The following CCBE1 variants were observed in gnomAD, a reference collection of about 807,000 sequenced individuals.
CCBE1 encodes the protein collagen and calcium-binding EGF domain-containing protein 1.
In CCBE1, 37 loss-of-function variants were observed where a neutral mutation model predicts 50.0. That is an observed-to-expected ratio of 0.74 (90% CI 0.57 to 0.97). The LOEUF (loss-of-function observed/expected upper bound fraction) is 0.97, where lower values mean the gene tolerates loss of function less well. Among genes scored for constraint, CCBE1 ranks in the 50% least tolerant of loss-of-function variants. The pLI is 0.00. For missense variants in CCBE1, 538 were observed against 523.8 expected (o/e 1.03, Z -0.26); for synonymous variants, 234 against 203.7 (o/e 1.15, Z -1.27).
intron 2 of CCBE1, among the ~76,000 whole-genome samples, chr18:59,539,184 AAC>A (rs68072077): frequency 2.2e-5 from 3 of 133,550 alleles, no homozygotes; most frequent in East Asian, 2.2e-4. Flanking sequence ...ATATTTAAAA[AAC>A]ACACACACAC....
intron 2 of CCBE1, among the ~76,000 whole-genome samples, chr18:59,632,529 C>T (rs2053862838): frequency 6.6e-6 from 1 of 152,058 alleles, no homozygotes; most frequent in African/African-American, 2.4e-5. Flanking sequence ...CTGCCTCGGC[C>T]TCCCAAAGTG....
At chr18:59,492,306 G>A (rs1366370854) in intron 2 of CCBE1, among the ~76,000 whole-genome samples, 1 of 151,998 alleles carries the variant, frequency 6.6e-6, no homozygotes, top group Non-Finnish European at 1.5e-5. Flanking sequence ...GGTCACTAGT[G>A]TGACAGAGCC....
intron 2 of CCBE1, among the ~76,000 whole-genome samples, chr18:59,614,089 T>C (rs1472268537): frequency 1.7e-4 from 26 of 152,172 alleles, no homozygotes. Context: ...AACTGCAACC[T>C]CTGCCTCGAA....
intron 2 of CCBE1, among the ~76,000 whole-genome samples, chr18:59,541,616 G>A (rs910722307): frequency 2.0e-5 from 3 of 152,126 alleles, no homozygotes; most frequent in African/African-American, 7.2e-5. Context: ...TCAGTCCTAG[G>A]TGTCCATATT....
chr18:59,559,548 C>A (rs2052704863), intron 2 of CCBE1, among the ~76,000 whole-genome samples: 1 of 152,222 alleles, frequency 6.6e-6, no homozygotes, highest in Admixed American at 6.5e-5. Context: ...CCCATCCAAG[C>A]ATTCCGGTTC....
chr18:59,561,486 T>C (rs2851841), intron 2 of CCBE1, among the ~76,000 whole-genome samples: 110,086 of 152,128 alleles, frequency 0.72, 40,403 homozygotes, highest in African/African-American at 0.84. Flanking sequence ...GAGTTTAGAG[T>C]GCAGGCGTGT....
intron 2 of CCBE1, among the ~76,000 whole-genome samples, chr18:59,523,634 T>G (rs1003937314): frequency 6.6e-6 from 1 of 152,176 alleles, no homozygotes; most frequent in African/African-American, 2.4e-5. Context: ...CACTTGATTG[T>G]CAAGGTTATT....
chr18:59,521,825 A>G (rs979320854), intron 2 of CCBE1, among the ~76,000 whole-genome samples: 10 of 151,964 alleles, frequency 6.6e-5, no homozygotes, highest in African/African-American at 2.4e-4. Flanking sequence ...GACATCGACA[A>G]AAAAGTTTAG....
chr18:59,442,442 T>C (rs1910476475), intron 7 of CCBE1, among the ~76,000 whole-genome samples: 1 of 152,112 alleles, frequency 6.6e-6, no homozygotes, highest in Non-Finnish European at 1.5e-5. Flanking sequence ...CATTTAAAAA[T>C]TGGGGCCAGG....
intron 2 of CCBE1, among the ~76,000 whole-genome samples, chr18:59,618,254 G>T (rs1490744569): frequency 6.6e-6 from 1 of 151,876 alleles, no homozygotes; most frequent in Admixed American, 6.6e-5. Context: ...ATTGAGACCA[G>T]CTTGGGAAAC....
At chr18:59,592,476 A>G (rs1209734949) in intron 2 of CCBE1, among the ~76,000 whole-genome samples, 3 of 152,248 alleles carry the variant, frequency 2.0e-5, no homozygotes, top group African/African-American at 7.2e-5. Flanking sequence ...TCAACATAAC[A>G]CAATACTTTG....
At chr18:59,453,924 A>G (rs1273070834) in intron 6 of CCBE1, among the ~76,000 whole-genome samples, 1 of 152,176 alleles carries the variant, frequency 6.6e-6, no homozygotes, top group Non-Finnish European at 1.5e-5. Flanking sequence ...TCACAGCAGA[A>G]CGGTGTTACT....
intron 2 of CCBE1, among the ~76,000 whole-genome samples, chr18:59,534,216 C>T (rs1191138248): frequency 2.6e-5 from 4 of 152,184 alleles, no homozygotes; most frequent in South Asian, 2.1e-4. Context: ...AGAAGTCTAC[C>T]GACCTCAAAA....
At chr18:59,592,991 A>T (rs1176539826) in intron 2 of CCBE1, among the ~76,000 whole-genome samples, 1 of 152,216 alleles carries the variant, frequency 6.6e-6, no homozygotes, top group Admixed American at 6.5e-5. Context: ...AATTTTAGAG[A>T]TCAGTGATGC....
At chr18:59,613,814 CTTAA>C (rs2053601758) in intron 2 of CCBE1, among the ~76,000 whole-genome samples, 1 of 146,004 alleles carries the variant, frequency 6.8e-6, no homozygotes, top group Non-Finnish European at 1.5e-5. Context: ...CTCTAAACCT[CTTAA>C]TTATCTTTTT....
At chr18:59,474,872 C>G (rs643221) in intron 3 of CCBE1, among the ~76,000 whole-genome samples, 85,909 of 152,084 alleles carry the variant, frequency 0.56, 25,099 homozygotes, top group African/African-American at 0.69. Flanking sequence ...AAGCTGGCTA[C>G]AATTCAACCT....
At chr18:59,545,874 C>T (rs1915661884) in intron 2 of CCBE1, among the ~76,000 whole-genome samples, 1 of 152,204 alleles carries the variant, frequency 6.6e-6, no homozygotes, top group South Asian at 2.1e-4. Context: ...TGAGGACTCC[C>T]CAGCCATGTG....
intron 2 of CCBE1, among the ~76,000 whole-genome samples, chr18:59,538,528 G>T (rs1915340225): frequency 6.6e-6 from 1 of 152,108 alleles, no homozygotes. Context: ...ATTTGTCAAA[G>T]GACAGCTTAA....
chr18:59,610,520 A>C (rs1403977688), intron 2 of CCBE1, among the ~76,000 whole-genome samples: 1 of 152,040 alleles, frequency 6.6e-6, no homozygotes, highest in East Asian at 1.9e-4. Flanking sequence ...TACTTGATAG[A>C]ACAAAGCTTC....
Sources: allele counts gnomAD v4.1 joint callset (sites outside exome capture counted in the v4.1 genomes callset), GRCh38; gene constraint gnomAD v4.1.1; transcripts MANE v1.5; gene names NCBI Gene and HGNC (gene_info 2026-07-23, HGNC 2026-07-21).